HMCN1: variants seen among roughly 807,000 people sequenced by gnomAD.
The protein encoded by HMCN1 is hemicentin-1.
A neutral mutation model predicts 625.9 loss-of-function variants in HMCN1; 321 were observed. The observed-to-expected ratio is 0.51, with a 90% CI of 0.47 to 0.56. HMCN1 has a LOEUF of 0.56. Among genes scored for constraint, HMCN1 ranks in the 20% least tolerant of loss-of-function variants. HMCN1 has a pLI of 0.00. For synonymous variants in HMCN1, 2,425 were observed against 2,417.6 expected (o/e 1.00, Z -0.09); for missense variants, 6,588 against 6,887.3 (o/e 0.96, Z 1.54).
intron 11 of HMCN1, among the ~76,000 whole-genome samples, chr1:185,951,101 G>T (rs373183343): frequency 1.4e-5 from 2 of 143,248 alleles, no homozygotes; most frequent in African/African-American, 5.6e-5. Context: ...GTGCATGATC[G>T]GTCACCAAGG....
chr1:186,041,278 C>A (rs1367016879), intron 40 of HMCN1, 142 bp downstream of exon 40: 3 of 809,746 alleles, frequency 3.7e-6, no homozygotes, highest in South Asian at 2.9e-5. Context: ...AAATCAAATT[C>A]TCTTTCTGCC....
At chr1:185,981,625 T>C (rs1375369701) in intron 17 of HMCN1, among the ~76,000 whole-genome samples, 4 of 152,154 alleles carry the variant, frequency 2.6e-5, no homozygotes, top group African/African-American at 9.6e-5. Context: ...GATTTTTATA[T>C]CTGTCAGTAC....
At chr1:185,902,545 T>C (rs1180547734) in intron 4 of HMCN1, among the ~76,000 whole-genome samples, 1 of 151,710 alleles carries the variant, frequency 6.6e-6, no homozygotes, top group East Asian at 1.9e-4. Flanking sequence ...GCAATAGTGT[T>C]TTATGTAACT....
intron 97 of HMCN1, among the ~76,000 whole-genome samples, chr1:186,158,818 A>G (rs1204106973): frequency 5.9e-5 from 9 of 152,156 alleles, no homozygotes; most frequent in Non-Finnish European, 7.4e-5. Context: ...TACCAGTACC[A>G]TGCTGTTTTG....
chr1:185,858,590 T>A (rs1182767452), intron 2 of HMCN1, among the ~76,000 whole-genome samples: 2 of 41,308 alleles, frequency 4.8e-5, no homozygotes, highest in Admixed American at 2.3e-4. Context: ...CAGCTAATTT[T>A]TTTTTTTTTT....
At chr1:185,764,077 C>T (rs780864138) in intron 1 of HMCN1, among the ~76,000 whole-genome samples, 6 of 152,078 alleles carry the variant, frequency 3.9e-5, no homozygotes, top group Non-Finnish European at 5.9e-5. Context: ...AAAACAAATG[C>T]GTACAATTAA....
At chr1:185,820,028 A>C (rs1031719767) in intron 1 of HMCN1, among the ~76,000 whole-genome samples, 1 of 152,178 alleles carries the variant, frequency 6.6e-6, no homozygotes, top group African/African-American at 2.4e-5. Context: ...AGCACAATGA[A>C]GTATGATAAG....
intron 71 of HMCN1, among the ~76,000 whole-genome samples, chr1:186,111,070 T>A (rs931932779): frequency 1.4e-5 from 2 of 140,832 alleles, no homozygotes; most frequent in African/African-American, 5.4e-5. Context: ...AAGCTCCGCC[T>A]CCTGGGTTCA....
intron 9 of HMCN1, among the ~76,000 whole-genome samples, chr1:185,928,057 T>C (rs1667364709): frequency 6.6e-6 from 1 of 152,168 alleles, no homozygotes; most frequent in Admixed American, 6.5e-5. Flanking sequence ...TTGAATGATA[T>C]ATGGCCTTAT....
intron 11 of HMCN1, among the ~76,000 whole-genome samples, chr1:185,943,207 T>C (rs1668170503): frequency 6.6e-6 from 1 of 152,158 alleles, no homozygotes; most frequent in African/African-American, 2.4e-5. Flanking sequence ...ACAAATTGAT[T>C]GAACCTGACA....
At chr1:186,110,967 A>C (rs1251276331) in intron 71 of HMCN1, among the ~76,000 whole-genome samples, 1 of 88,946 alleles carries the variant, frequency 1.1e-5, no homozygotes, top group Non-Finnish European at 2.1e-5. Flanking sequence ...AAGAAAAACC[A>C]GAGAAAATTC....
chr1:186,048,367 G>A (rs932678614), intron 41 of HMCN1, among the ~76,000 whole-genome samples: 1 of 152,088 alleles, frequency 6.6e-6, no homozygotes, highest in African/African-American at 2.4e-5. Context: ...AATATTATTG[G>A]TCTCAAGAAT....
intron 31 of HMCN1, 143 bp from the exon 32 acceptor site, chr1:186,015,815 A>G (rs554701691): frequency 1.1e-5 from 8 of 734,696 alleles, no homozygotes; most frequent in Admixed American, 2.4e-5. Flanking sequence ...TCTTTCCTCA[A>G]TAGCTTAGAG....
At chr1:185,746,693 C>A (rs1654429019) in intron 1 of HMCN1, among the ~76,000 whole-genome samples, 1 of 151,486 alleles carries the variant, frequency 6.6e-6, no homozygotes, top group Non-Finnish European at 1.5e-5. Context: ...CAACTTCTGC[C>A]TCCCAGGTTC....
chr1:186,014,675 A>C (rs867088961), intron 30 of HMCN1, among the ~76,000 whole-genome samples: 46 of 151,966 alleles, frequency 3.0e-4, no homozygotes, highest in Middle Eastern at 3.4e-3. Flanking sequence ...CCTCCCCCCC[A>C]AAAAAAGAAA....
intron 11 of HMCN1, among the ~76,000 whole-genome samples, chr1:185,938,776 AT>A (rs1343747342): frequency 6.6e-6 from 1 of 152,048 alleles, no homozygotes; most frequent in African/African-American, 2.4e-5. Flanking sequence ...TCTACCTGAT[AT>A]CCAGTTTCCT....
intron 30 of HMCN1, among the ~76,000 whole-genome samples, chr1:186,010,302 TC>T (rs1653916240): frequency 6.6e-6 from 1 of 152,036 alleles, no homozygotes; most frequent in Non-Finnish European, 1.5e-5. Flanking sequence ...TGTATTCCCT[TC>T]CCCCAAATGG....
chr1:186,130,588 A>G lies in HMCN1; in HGVS notation c.13121A>G (p.Lys4374Arg), dbSNP rs778818234. The G allele has an allele frequency of 1.2e-6, 2 of 1,613,574 alleles. No homozygotes were observed. Among genetic ancestry groups the G allele is most frequent in the Non-Finnish European group, 8.5e-7 (1 of 1,179,634 alleles). The change falls in exon 85 of 107, where the codon AAA (lysine) becomes AGA (arginine). Residue 4374 changes from lysine (K) to arginine (R), a missense_variant. Transcript: ENST00000271588. ...AATGCAATCCTGAATTGTGAGGTGA[A>G]AGGAGACCCCACCCCAACCATCCAG... is the stretch of plus-strand genomic sequence containing the variant. ...GGNAILNCEVKGDPTPTIQWN... is the reference protein window; with the variant it reads ...GGNAILNCEVRGDPTPTIQWN...
chr1:185,968,953 T>C (rs866664472), intron 14 of HMCN1, among the ~76,000 whole-genome samples: 3 of 152,204 alleles, frequency 2.0e-5, no homozygotes, highest in South Asian at 4.1e-4. Flanking sequence ...TTTTTTCCAA[T>C]TTATATTTTG....
Sources: allele counts gnomAD v4.1 joint callset (sites outside exome capture counted in the v4.1 genomes callset), GRCh38; gene constraint gnomAD v4.1.1; transcripts MANE v1.5; gene names NCBI Gene and HGNC (gene_info 2026-07-23, HGNC 2026-07-21).